PPP2R5E: variants seen among roughly 807,000 people sequenced by gnomAD.
PPP2R5E encodes serine/threonine-protein phosphatase 2A 56 kDa regulatory subunit epsilon isoform.
PPP2R5E carries 4 observed loss-of-function variants against 65.3 expected under a neutral mutation model. That is an observed-to-expected ratio of 0.06 (90% CI 0.03 to 0.14). The LOEUF is 0.14. Among genes scored for constraint, PPP2R5E ranks in the 10% least tolerant of loss-of-function variants. The pLI is 1.00. For synonymous variants in PPP2R5E, 183 were observed against 187.4 expected (o/e 0.98, Z 0.19); for missense variants, 274 against 556.1 (o/e 0.49, Z 5.10).
intron 11 of PPP2R5E, among the ~76,000 whole-genome samples, chr14:63,385,088 A>T (rs1884585439): frequency 6.6e-6 from 1 of 152,006 alleles, no homozygotes; most frequent in East Asian, 2.0e-4. Context: ...GCACTTTGGG[A>T]GGCCAAGGCA....
intron 2 of PPP2R5E, among the ~76,000 whole-genome samples, chr14:63,479,755 T>G (rs1890599134): frequency 6.6e-6 from 1 of 152,114 alleles, no homozygotes; most frequent in South Asian, 2.1e-4. Context: ...GTTAGTGAAA[T>G]GAAACTGATG....
At chr14:63,445,224 T>C (rs527358258) in intron 3 of PPP2R5E, among the ~76,000 whole-genome samples, 101 of 152,308 alleles carry the variant, frequency 6.6e-4, no homozygotes, top group Non-Finnish European at 1.1e-3. Flanking sequence ...CTCACATACA[T>C]TATAGGATCA....
intron 8 of PPP2R5E, among the ~76,000 whole-genome samples, chr14:63,393,363 T>G (rs1885133786): frequency 6.6e-6 from 1 of 152,190 alleles, no homozygotes; most frequent in Non-Finnish European, 1.5e-5. Context: ...AATGCATACA[T>G]TTTTATTTCC....
intron 2 of PPP2R5E, among the ~76,000 whole-genome samples, chr14:63,510,215 C>A (rs1892394026): frequency 2.0e-5 from 3 of 152,192 alleles, no homozygotes. Context: ...AACCAGCTGC[C>A]TCCAGCCCAA....
chr14:63,446,159 A>G (rs1187110740), intron 3 of PPP2R5E, among the ~76,000 whole-genome samples: 1 of 152,196 alleles, frequency 6.6e-6, no homozygotes, highest in Non-Finnish European at 1.5e-5. Context: ...GATTGCAGCA[A>G]TTCAGTCAAA....
chr14:63,509,266 C>G (rs1268967591), intron 2 of PPP2R5E, among the ~76,000 whole-genome samples: 1 of 133,378 alleles, frequency 7.5e-6, no homozygotes, highest in Non-Finnish European at 1.5e-5. Context: ...TTTAAAATAT[C>G]CTTTTTTTTT....
intron 2 of PPP2R5E, among the ~76,000 whole-genome samples, chr14:63,455,024 CAAG>C (rs1459555768): frequency 1.3e-5 from 2 of 152,218 alleles, no homozygotes; most frequent in Non-Finnish European, 2.9e-5. Flanking sequence ...TTGTACTAAG[CAAG>C]AAGGACCTTA....
At chr14:63,519,187 C>T (rs1164478299) in intron 2 of PPP2R5E, among the ~76,000 whole-genome samples, 1 of 151,850 alleles carries the variant, frequency 6.6e-6, no homozygotes, top group Non-Finnish European at 1.5e-5. Flanking sequence ...GCACTCCAGG[C>T]TGGGCAACAA....
chr14:63,389,597 C>T lies in PPP2R5E; in HGVS notation c.1074+15G>A, dbSNP rs756469052. The T allele has an allele frequency of 1.3e-6, 2 of 1,591,746 alleles. No homozygotes were observed. Among genetic ancestry groups the T allele is most frequent in the East Asian group, 2.3e-5 (1 of 44,318 alleles). The stretch of plus-strand genomic sequence containing the variant: ...TAACTCATGCTCCCTGGCTCATGTC[C>T]TCTTTACTACTAACCTGAAAATGGG... On this transcript the variant is annotated intron_variant, in intron 11 of 13. Coordinates refer to ENST00000337537, the MANE Select transcript of PPP2R5E (RefSeq NM_006246.5).
At chr14:63,506,434 G>A (rs989576703) in intron 2 of PPP2R5E, among the ~76,000 whole-genome samples, 8 of 152,100 alleles carry the variant, frequency 5.3e-5, no homozygotes, top group African/African-American at 1.4e-4. Flanking sequence ...CTGGGCGACA[G>A]AGCAAGACTC....
chr14:63,473,096 GA>G lies in PPP2R5E; in HGVS notation c.158-19212del, dbSNP rs558044143. Reference sequence around the variant, plus strand: ...AAATTACATTAGATATAACAGAAAGGAAAGATAGTCAAAGATTACTAATGTT... The same window carrying G: ...AAATTACATTAGATATAACAGAAAGGAAGATAGTCAAAGATTACTAATGTT... On this transcript the variant is annotated intron_variant, in intron 2 of 13. Coordinates refer to ENST00000337537, the MANE Select transcript of PPP2R5E (RefSeq NM_006246.5). Among the ~76,000 whole-genome samples the G allele has an allele frequency of 4.6e-5, 7 of 152,326 alleles. No homozygotes were observed. In the East Asian group the frequency reaches 1.3e-3, roughly 29 times the overall value.
intron 2 of PPP2R5E, among the ~76,000 whole-genome samples, chr14:63,532,777 C>T (rs980411881): frequency 1.3e-5 from 2 of 152,154 alleles, no homozygotes; most frequent in African/African-American, 2.4e-5. Flanking sequence ...AAAACCCATG[C>T]GACAATGTAT....
chr14:63,478,367 A>AG (rs1459477184), intron 2 of PPP2R5E, among the ~76,000 whole-genome samples: 1 of 152,152 alleles, frequency 6.6e-6, no homozygotes, highest in Admixed American at 6.5e-5. Flanking sequence ...AAATGGGAAA[A>AG]TTTTTAATAT....
intron 11 of PPP2R5E, among the ~76,000 whole-genome samples, chr14:63,388,779 G>A (rs577062602): frequency 5.3e-5 from 8 of 152,266 alleles, no homozygotes; most frequent in Non-Finnish European, 1.0e-4. Flanking sequence ...GAAAAAGTCC[G>A]CCATCAAATG....
chr14:63,502,473 C>T (rs958792689), intron 2 of PPP2R5E, among the ~76,000 whole-genome samples: 1 of 152,036 alleles, frequency 6.6e-6, no homozygotes, highest in African/African-American at 2.4e-5. Context: ...GTCAGGAGTT[C>T]GACACCAGCC....
intron 2 of PPP2R5E, among the ~76,000 whole-genome samples, chr14:63,486,616 C>T (rs1469981235): frequency 6.6e-6 from 1 of 151,930 alleles, no homozygotes; most frequent in South Asian, 2.1e-4. Context: ...CACATGTGGT[C>T]CACAGTACTC....
intron 3 of PPP2R5E, among the ~76,000 whole-genome samples, chr14:63,426,661 G>A (rs1324541644): frequency 1.5e-5 from 2 of 129,718 alleles, no homozygotes; most frequent in Non-Finnish European, 3.1e-5. Flanking sequence ...TCAAGCGAGA[G>A]TTAAGAATCA....
intron 3 of PPP2R5E, among the ~76,000 whole-genome samples, chr14:63,428,148 C>T (rs924533157): frequency 6.6e-6 from 1 of 152,194 alleles, no homozygotes; most frequent in African/African-American, 2.4e-5. Context: ...TCCCCACTGC[C>T]GGTTCAGACC....
chr14:63,465,941 A>G (rs1359401675), intron 2 of PPP2R5E, among the ~76,000 whole-genome samples: 2 of 152,234 alleles, frequency 1.3e-5, no homozygotes. Context: ...TTATAAGGTA[A>G]GGAAATAAGT....
Sources: allele counts gnomAD v4.1 joint callset (sites outside exome capture counted in the v4.1 genomes callset), GRCh38; gene constraint gnomAD v4.1.1; transcripts MANE v1.5; gene names NCBI Gene and HGNC (gene_info 2026-07-23, HGNC 2026-07-21).